SRGAP1: variants seen among roughly 807,000 people sequenced by gnomAD.
SRGAP1 encodes the protein SLIT-ROBO Rho GTPase-activating protein 1.
Under a neutral mutation model 121.9 loss-of-function variants are expected in SRGAP1, and 43 were observed. The ratio of observed to expected loss-of-function variants is 0.35; its 90% CI spans 0.28 to 0.46. SRGAP1 has a LOEUF of 0.46. Ranked by LOEUF, SRGAP1 falls within the 20% of genes least tolerant of loss-of-function variation. The pLI, the probability that SRGAP1 is intolerant of heterozygous loss-of-function variation, is 1.00. For synonymous variants in SRGAP1, 447 were observed against 485.4 expected, an observed-to-expected ratio of 0.92 and a Z score of 1.04; for missense variants, 1,102 against 1,350.9, an observed-to-expected ratio of 0.82 and a Z score of 2.89.
intron 1 of SRGAP1, among the ~76,000 whole-genome samples, chr12:63,969,582 A>G (rs2032883051): frequency 1.3e-5 from 2 of 152,112 alleles, no homozygotes; most frequent in South Asian, 4.1e-4. Flanking sequence ...TCACGAGGTC[A>G]GGAGATTGAG....
chr12:63,904,136 G>T (rs2030080508), intron 1 of SRGAP1, among the ~76,000 whole-genome samples: 1 of 140,480 alleles, frequency 7.1e-6, no homozygotes, highest in African/African-American at 2.6e-5. Flanking sequence ...CTAATTATTT[G>T]TGACTGAGAT....
intron 11 of SRGAP1, 31 bp downstream of exon 11, chr12:64,087,057 G>T (rs574358480): frequency 2.6e-6 from 4 of 1,525,798 alleles, no homozygotes; most frequent in South Asian, 1.2e-5. Flanking sequence ...AACTTATAGC[G>T]TATTTTACTT....
chr12:63,846,556 G>T (rs1898908148), intron 1 of SRGAP1, among the ~76,000 whole-genome samples: 1 of 152,214 alleles, frequency 6.6e-6, no homozygotes, highest in Non-Finnish European at 1.5e-5. Flanking sequence ...GTGTTGCAAT[G>T]TGTCTATCAA....
intron 1 of SRGAP1, among the ~76,000 whole-genome samples, chr12:63,954,871 C>A (rs2032413672): frequency 6.6e-6 from 1 of 151,976 alleles, no homozygotes; most frequent in Non-Finnish European, 1.5e-5. Context: ...AGAACTGCCT[C>A]CAAGGTTGTT....
chr12:63,983,732 T>C (rs2033313484), intron 1 of SRGAP1: 3 of 148,122 alleles, frequency 2.0e-5, no homozygotes, highest in Admixed American at 1.4e-4. Context: ...ATTGCGCCAC[T>C]GCACTCCAGC....
chr12:64,065,519 A>G (rs1032451151), intron 8 of SRGAP1, among the ~76,000 whole-genome samples: 1 of 152,230 alleles, frequency 6.6e-6, no homozygotes, highest in African/African-American at 2.4e-5. Flanking sequence ...CAACATATAT[A>G]TCCAAAAATA....
chr12:64,024,968 C>T (rs1330153890), intron 4 of SRGAP1, among the ~76,000 whole-genome samples: 1 of 152,058 alleles, frequency 6.6e-6, no homozygotes, highest in Non-Finnish European at 1.5e-5. Context: ...TGGGTGGGGA[C>T]ACAGCCAAAC....
intron 1 of SRGAP1, among the ~76,000 whole-genome samples, chr12:63,890,606 C>T (rs937406694): frequency 7.2e-5 from 11 of 151,942 alleles, no homozygotes; most frequent in Admixed American, 6.6e-4. Context: ...CTCAGTTACT[C>T]CTCTCCTCCG....
chr12:63,883,948 G>T (rs934160544), intron 1 of SRGAP1, among the ~76,000 whole-genome samples: 7 of 149,924 alleles, frequency 4.7e-5, no homozygotes, highest in African/African-American at 1.7e-4. Context: ...GTGAGCCACC[G>T]TGCCCGGCCA....
At chr12:63,853,272 C>T (rs188005449) in intron 1 of SRGAP1, among the ~76,000 whole-genome samples, 43 of 152,132 alleles carry the variant, frequency 2.8e-4, no homozygotes, top group Admixed American at 1.8e-3. Flanking sequence ...CCACCCACCT[C>T]GGCCTCCCAA....
At chr12:64,026,665 G>A (rs1028572217) in intron 4 of SRGAP1, among the ~76,000 whole-genome samples, 11 of 151,386 alleles carry the variant, frequency 7.3e-5, no homozygotes, top group African/African-American at 1.5e-4. Context: ...TCAGGAGTTC[G>A]AGACCAGCCT....
intron 6 of SRGAP1, among the ~76,000 whole-genome samples, chr12:64,053,836 C>A (rs2035286665): frequency 1.3e-5 from 2 of 152,184 alleles, no homozygotes; most frequent in South Asian, 4.1e-4. Context: ...TAACAGGCAA[C>A]AAATATTTGT....
chr12:63,885,781 A>G (rs1900359832), intron 1 of SRGAP1, among the ~76,000 whole-genome samples: 1 of 152,228 alleles, frequency 6.6e-6, no homozygotes, highest in Non-Finnish European at 1.5e-5. Context: ...CCCCAAGGCT[A>G]TAACAAATGA....
Position 64,096,090 on chromosome 12 carries a change from T to C in SRGAP1, c.1678+886T>C, listed in dbSNP as rs957155896. Among the ~76,000 whole-genome samples the C allele has an allele frequency of 3.9e-5, 6 of 152,308 alleles. No individual in the cohort carries two copies. In the East Asian group the frequency reaches 9.6e-4, roughly 24 times the overall value. ...AGCCACATGTGCCAAGTCTCATGCA[T>C]TGGCCATCTTCAGGGTAAGCTGAAA... is the stretch of plus-strand genomic sequence containing the variant. On this transcript the variant is annotated intron_variant, in intron 14 of 21. Transcript: ENST00000355086.
intron 18 of SRGAP1, chr12:64,120,572 TTTCTAGAACTAGATG>T (rs997888718): frequency 1.3e-5 from 2 of 152,124 alleles, no homozygotes; most frequent in Non-Finnish European, 2.9e-5. Context: ...GGGGATAAGA[TTTCTAGAACTAGATG>T]TTCTAGAACT....
rs959189135 is a variant in SRGAP1, at chr12:64,127,843, G to C, written c.2541-18G>C. ...TGATAAGCTCTTCTGTTTTCTCCCTGTTTCTGTGAATGTCTAGGCAACGAA... is the reference window on the plus strand; with the variant it reads ...TGATAAGCTCTTCTGTTTTCTCCCTCTTTCTGTGAATGTCTAGGCAACGAA... On this transcript the variant is annotated intron_variant, in intron 20 of 21. Coordinates refer to ENST00000355086, the MANE Select transcript of SRGAP1 (RefSeq NM_020762.4). 4.4e-6 allele frequency: 7 copies of C among 1,603,046 alleles called. No individual in the cohort carries two copies. The highest frequency in any genetic ancestry group is 6.0e-6 in the Non-Finnish European group (7 of 1,173,546).
chr12:63,961,091 A>G (rs546938021), intron 1 of SRGAP1, among the ~76,000 whole-genome samples: 1 of 152,330 alleles, frequency 6.6e-6, no homozygotes, highest in South Asian at 2.1e-4. Context: ...GTGCTGTCAG[A>G]TATCACGTAC....
At chr12:64,085,583 C>T (rs774200850) in intron 10 of SRGAP1, among the ~76,000 whole-genome samples, 4 of 152,046 alleles carry the variant, frequency 2.6e-5, no homozygotes, top group Non-Finnish European at 4.4e-5. Context: ...AGCTTGCTGC[C>T]GAACACTGCC....
At chr12:64,070,802 TC>T (rs937384229) in intron 8 of SRGAP1, among the ~76,000 whole-genome samples, 4 of 152,206 alleles carry the variant, frequency 2.6e-5, no homozygotes, top group African/African-American at 7.2e-5. Context: ...CAGTTATACT[TC>T]CTTCCTAGGG....
Sources: gnomAD v4.1 joint callset for allele counts (sites outside exome capture counted in the v4.1 genomes callset) on GRCh38, gnomAD v4.1.1 for gene constraint, MANE v1.5 for transcripts, NCBI Gene and HGNC (gene_info 2026-07-23, HGNC 2026-07-21) for gene names.